The following PDE4D variants were observed in gnomAD, a reference collection of about 807,000 sequenced individuals.
The protein encoded by PDE4D is phosphodiesterase 4D, also known as 3',5'-cyclic-AMP phosphodiesterase 4D.
A neutral mutation model predicts 87.4 loss-of-function variants in PDE4D; 24 were observed. The observed-to-expected ratio is 0.27, with a 90% CI of 0.20 to 0.39. PDE4D has a LOEUF of 0.39. PDE4D is among the 10% of genes least tolerant of loss of function. The probability of loss-of-function intolerance (pLI) is 1.00; values close to 1 mark genes in which losing one functional copy is unlikely to be tolerated. For missense variants in PDE4D, 714 were observed against 1,041.0 expected (o/e 0.69, Z 4.32); for synonymous variants, 384 against 383.2 (o/e 1.00, Z -0.02).
intron 2 of PDE4D, among the ~76,000 whole-genome samples, chr5:60,147,002 T>C (rs1189787539): frequency 2.6e-5 from 4 of 152,132 alleles, no homozygotes; most frequent in African/African-American, 9.7e-5. Context: ...GAGGGAACCC[T>C]TGTACCCTGT....
intron 1 of PDE4D, among the ~76,000 whole-genome samples, chr5:59,624,934 C>T (rs568289206): frequency 2.6e-5 from 4 of 152,252 alleles, no homozygotes; most frequent in South Asian, 4.1e-4. Flanking sequence ...GGAAACACTG[C>T]TTAAATTTAT....
intron 3 of PDE4D, among the ~76,000 whole-genome samples, chr5:59,972,559 C>A (rs1581981528): frequency 6.6e-6 from 1 of 152,180 alleles, no homozygotes; most frequent in African/African-American, 2.4e-5. Context: ...AATTTGGAGT[C>A]AAAGTTTAAA....
chr5:59,570,313 A>C (rs775346406), intron 1 of PDE4D, among the ~76,000 whole-genome samples: 1 of 152,246 alleles, frequency 6.6e-6, no homozygotes, highest in Non-Finnish European at 1.5e-5. Flanking sequence ...TGAAAGTATT[A>C]ATACATGCAT....
intron 3 of PDE4D, among the ~76,000 whole-genome samples, chr5:59,960,533 A>G (rs559302178): frequency 1.3e-5 from 2 of 152,354 alleles, no homozygotes; most frequent in East Asian, 1.9e-4. Context: ...ACAAGAAAAA[A>G]CAAAATCACA....
intron 5 of PDE4D, among the ~76,000 whole-genome samples, chr5:59,109,448 ATGGATGCCAAG>A (rs1384361394): frequency 1.3e-5 from 2 of 152,232 alleles, no homozygotes; most frequent in East Asian, 3.9e-4. Context: ...GGATCTTTTC[ATGGATGCCAAG>A]TTAAGGAAAG....
chr5:59,356,691 G>C, intron 1 of PDE4D: 3 of 1,299,526 alleles, frequency 2.3e-6, no homozygotes, highest in Non-Finnish European at 3.1e-6. Flanking sequence ...TAGGGCAAAG[G>C]CTTATTTGCA....
intron 1 of PDE4D, among the ~76,000 whole-genome samples, chr5:60,504,350 T>G (rs1339581475): frequency 2.0e-5 from 3 of 151,632 alleles, no homozygotes; most frequent in Non-Finnish European, 4.4e-5. Context: ...TTTTTTTAGG[T>G]CTTTTTAGGT....
intron 1 of PDE4D, among the ~76,000 whole-genome samples, chr5:59,831,944 G>A (rs1008644786): frequency 2.6e-5 from 4 of 152,080 alleles, no homozygotes; most frequent in African/African-American, 9.7e-5. Flanking sequence ...AGACAAGCCA[G>A]AGATGAGTGA....
intron 2 of PDE4D, among the ~76,000 whole-genome samples, chr5:60,091,491 C>T (rs1775103641): frequency 1.3e-5 from 2 of 152,132 alleles, no homozygotes; most frequent in South Asian, 4.1e-4. Context: ...ATAAACAATG[C>T]TTTCAAGGAT....
At chr5:59,223,229 G>A (rs1041398388) in intron 1 of PDE4D, among the ~76,000 whole-genome samples, 2 of 152,166 alleles carry the variant, frequency 1.3e-5, no homozygotes, top group African/African-American at 4.8e-5. Context: ...ATTACTCACT[G>A]AGGAGAAAGA....
chr5:60,238,656 C>T (rs186629833), intron 1 of PDE4D, among the ~76,000 whole-genome samples: 2 of 151,676 alleles, frequency 1.3e-5, no homozygotes, highest in Admixed American at 6.6e-5. Flanking sequence ...TTTTTTCTGT[C>T]GATTGTTTGT....
chr5:59,780,842 A>G (rs1347092242), intron 1 of PDE4D, among the ~76,000 whole-genome samples: 1 of 152,194 alleles, frequency 6.6e-6, no homozygotes, highest in Non-Finnish European at 1.5e-5. Context: ...AGGCGAGCCA[A>G]CCACTCTCTA....
intron 1 of PDE4D, among the ~76,000 whole-genome samples, chr5:59,503,445 T>C (rs1808681928): frequency 6.6e-6 from 1 of 152,166 alleles, no homozygotes; most frequent in Admixed American, 6.5e-5. Flanking sequence ...GTGGTGATGC[T>C]GTTTGCCCAG....
At chr5:60,240,956 T>C (rs77089701) in intron 1 of PDE4D, among the ~76,000 whole-genome samples, 2,128 of 152,204 alleles carry the variant, frequency 0.014, 25 homozygotes, top group Middle Eastern at 0.034. Context: ...AACTCTTCAA[T>C]GTCCAGACAC....
intron 2 of PDE4D, among the ~76,000 whole-genome samples, chr5:60,121,721 T>TC: frequency 6.6e-6 from 1 of 151,726 alleles, no homozygotes; most frequent in South Asian, 2.1e-4. Context: ...ACCATATAAT[T>TC]CCCCCCTGGG....
intron 2 of PDE4D, among the ~76,000 whole-genome samples, chr5:60,084,408 G>A (rs749951369): frequency 1.3e-4 from 20 of 151,504 alleles, no homozygotes; most frequent in South Asian, 2.1e-4. Context: ...GTGTGTGTGC[G>A]CGCGCGCGTG....
At chr5:59,584,070 T>C (rs545895904) in intron 1 of PDE4D, among the ~76,000 whole-genome samples, 1 of 152,240 alleles carries the variant, frequency 6.6e-6, no homozygotes, top group South Asian at 2.1e-4. Context: ...TCTTTGGAGA[T>C]GAAAAGAGCA....
At chr5:59,821,375 C>G (rs558420861) in intron 1 of PDE4D, among the ~76,000 whole-genome samples, 13 of 152,120 alleles carry the variant, frequency 8.5e-5, no homozygotes, top group Admixed American at 2.6e-4. Context: ...AAAGGTAACT[C>G]CATTTTGAAT....
chr5:59,765,438 A>G (rs1762665897), intron 1 of PDE4D, among the ~76,000 whole-genome samples: 1 of 152,240 alleles, frequency 6.6e-6, no homozygotes, highest in African/African-American at 2.4e-5. Flanking sequence ...CCCTTAACAT[A>G]CTATATAACC....
Sources: allele counts gnomAD v4.1 joint callset (sites outside exome capture counted in the v4.1 genomes callset), GRCh38; gene constraint gnomAD v4.1.1; transcripts MANE v1.5; gene names NCBI Gene and HGNC (gene_info 2026-07-23, HGNC 2026-07-21).